The following TDRKH variants were observed in gnomAD, a reference collection of about 807,000 sequenced individuals.
The protein encoded by TDRKH is tudor and KH domain-containing protein.
A neutral mutation model predicts 61.3 loss-of-function variants in TDRKH; 28 were observed. That is an observed-to-expected ratio of 0.46 (90% confidence interval 0.34 to 0.63). The LOEUF (loss-of-function observed/expected upper bound fraction) is 0.63, where lower values mean the gene tolerates loss of function less well. Among genes scored for constraint, TDRKH ranks in the 20% least tolerant of loss-of-function variants. The pLI, the probability that TDRKH is intolerant of heterozygous loss-of-function variation, is 0.01. For missense variants in TDRKH, 540 were observed against 683.4 expected (o/e 0.79, Z 2.34); for synonymous variants, 219 against 244.4 (o/e 0.90, Z 0.97).
chr1:151,768,295 T>C (rs1235571613), downstream of TDRKH: 3 of 1,551,616 alleles, frequency 1.9e-6, no homozygotes, highest in African/African-American at 2.7e-5. Flanking sequence ...CCTTCTATCA[T>C]GTCATAGTAC....
intron 1 of TDRKH, among the ~76,000 whole-genome samples, chr1:151,784,554 T>TCA (rs199733689): frequency 0.077 from 11,658 of 152,284 alleles, 589 homozygotes; most frequent in Non-Finnish European, 0.11. Context: ...CAGCTGATGA[T>TCA]TCCCTCTTCT....
At chr1:151,782,714 G>T in intron 2 of TDRKH, 185 bp downstream of exon 2, 1 of 574,328 alleles carries the variant, frequency 1.7e-6, no homozygotes, top group Non-Finnish European at 2.6e-6. Context: ...ACACTACAGT[G>T]AGCCAAGATT....
intron 10 of TDRKH, 27 bp downstream of exon 10, chr1:151,775,365 C>G: frequency 6.2e-7 from 1 of 1,600,984 alleles, no homozygotes; most frequent in South Asian, 1.1e-5. Flanking sequence ...GAAGATATGG[C>G]AAGCAGTGAG....
downstream of TDRKH, chr1:151,766,786 G>T: frequency 6.3e-7 from 1 of 1,582,102 alleles, no homozygotes; most frequent in Non-Finnish European, 8.6e-7. Flanking sequence ...GGAAAAACAC[G>T]TAACTACCTC....
downstream of TDRKH, chr1:151,767,380 G>A: frequency 1.9e-6 from 3 of 1,549,738 alleles, no homozygotes; most frequent in Admixed American, 5.6e-5. Flanking sequence ...TAGCAAGTTG[G>A]AAGATGAATT....
intron 1 of TDRKH, among the ~76,000 whole-genome samples, chr1:151,787,768 T>G (rs2101626481): frequency 7.8e-6 from 1 of 128,662 alleles, no homozygotes; most frequent in East Asian, 2.4e-4. Context: ...GACCAAGTAT[T>G]CAAGACTAGC....
chr1:151,781,063 C>G (rs1447768473), intron 3 of TDRKH, among the ~76,000 whole-genome samples: 2 of 151,666 alleles, frequency 1.3e-5, no homozygotes, highest in Non-Finnish European at 2.9e-5. Flanking sequence ...CACCTGTAAT[C>G]CCAGCACTCT....
chr1:151,771,113 A>T (rs759783253), downstream of TDRKH: 2 of 1,609,416 alleles, frequency 1.2e-6, no homozygotes, highest in Non-Finnish European at 1.7e-6. Flanking sequence ...ATGGGCTTTG[A>T]GGTGGTCAGA....
chr1:151,777,364 C>T (rs181527119), intron 6 of TDRKH, among the ~76,000 whole-genome samples: 8 of 152,040 alleles, frequency 5.3e-5, no homozygotes, highest in South Asian at 2.1e-4. Context: ...GAGAATCACT[C>T]GAACCTGGGA....
intron 1 of TDRKH, among the ~76,000 whole-genome samples, chr1:151,783,980 T>C (rs1361471622): frequency 3.3e-5 from 5 of 152,224 alleles, no homozygotes; most frequent in Non-Finnish European, 5.9e-5. Context: ...TTTAACATGT[T>C]CCTCATTATA....
At chr1:151,772,095 TTTTTC>T (rs951164766), downstream of TDRKH, 10 of 395,658 alleles carry the variant, frequency 2.5e-5, no homozygotes, top group African/African-American at 1.2e-4. Context: ...GGGACTGAGA[TTTTTC>T]TTTTCTTTTT....
chr1:151,775,315 T>G, intron 10 of TDRKH, 77 bp downstream of exon 10: 3 of 1,561,308 alleles, frequency 1.9e-6, no homozygotes. Flanking sequence ...CAGATAAGGG[T>G]TTCTGAGGAA....
chr1:151,786,802 TGTC>T (rs1650356042), intron 1 of TDRKH, among the ~76,000 whole-genome samples: 1 of 152,154 alleles, frequency 6.6e-6, no homozygotes, highest in African/African-American at 2.4e-5. Context: ...TTTTCAAGGG[TGTC>T]GTCTATTTTG....
intron 6 of TDRKH, among the ~76,000 whole-genome samples, chr1:151,776,986 G>A (rs1649245875): frequency 6.6e-6 from 1 of 152,208 alleles, no homozygotes; most frequent in African/African-American, 2.4e-5. Context: ...CTCTTTACAT[G>A]ACCCTGGACA....
At chr1:151,780,162 G>C in intron 3 of TDRKH, 22 bp from the exon 4 acceptor site, 2 of 1,602,038 alleles carry the variant, frequency 1.2e-6, no homozygotes, top group African/African-American at 2.7e-5. Context: ...AGGACATTTG[G>C]CAGTACATTC....
downstream of TDRKH, among the ~76,000 whole-genome samples, chr1:151,769,948 T>C (rs1269736624): frequency 6.6e-6 from 1 of 152,154 alleles, no homozygotes; most frequent in East Asian, 1.9e-4. Context: ...GGCACGCGCC[T>C]GCAATCCCAG....
At chr1:151,768,032 G>C (rs1648427373), downstream of TDRKH, 1 of 1,613,398 alleles carries the variant, frequency 6.2e-7, no homozygotes, top group Non-Finnish European at 8.5e-7. Flanking sequence ...TTGAAGACTA[G>C]AGGAGCATTT....
downstream of TDRKH, chr1:151,772,054 C>G (rs1648734448): frequency 2.5e-6 from 1 of 398,244 alleles, no homozygotes; most frequent in African/African-American, 2.1e-5. Flanking sequence ...CTCACCAGAA[C>G]TGTTCCTTCA....
At chr1:151,777,170 C>T (rs943482426) in intron 6 of TDRKH, among the ~76,000 whole-genome samples, 5 of 152,200 alleles carry the variant, frequency 3.3e-5, no homozygotes, top group African/African-American at 1.2e-4. Flanking sequence ...CTAGGCTGGG[C>T]ATGGTGGCTC....
Sources: allele counts gnomAD v4.1 joint callset (sites outside exome capture counted in the v4.1 genomes callset), GRCh38; gene constraint gnomAD v4.1.1; transcripts MANE v1.5; gene names NCBI Gene and HGNC (gene_info 2026-07-23, HGNC 2026-07-21).